PLD5: variants seen among roughly 807,000 people sequenced by gnomAD.
PLD5 encodes the protein inactive phospholipase D5.
In PLD5, 36 loss-of-function variants were observed where a neutral mutation model predicts 61.1. That is an observed-to-expected ratio of 0.59 (90% confidence interval 0.45 to 0.78). PLD5 has a LOEUF of 0.78. Ranked by LOEUF, PLD5 falls within the 30% of genes least tolerant of loss-of-function variation. The probability of loss-of-function intolerance (pLI) is 0.00; values close to 1 mark genes in which losing one functional copy is unlikely to be tolerated. For synonymous variants in PLD5, 243 were observed against 242.8 expected (o/e 1.00, Z -0.01); for missense variants, 515 against 644.4 (o/e 0.80, Z 2.17).
At chr1:242,193,104 C>T (rs1283843736) in intron 5 of PLD5, among the ~76,000 whole-genome samples, 1 of 152,150 alleles carries the variant, frequency 6.6e-6, no homozygotes, top group African/African-American at 2.4e-5. Flanking sequence ...TCTATTTAGT[C>T]CATCTGTCAC....
intron 2 of PLD5, among the ~76,000 whole-genome samples, chr1:242,344,553 G>A (rs539888974): frequency 6.6e-6 from 1 of 152,284 alleles, no homozygotes; most frequent in East Asian, 1.9e-4. Flanking sequence ...ACTCTTTGGA[G>A]GAACAAGGAG....
chr1:242,089,981 T>C lies in PLD5; in HGVS notation c.1484A>G (p.Tyr495Cys). The change falls in exon 10 of 10, where the codon TAT becomes TGT. Residue 495 changes from tyrosine (Y) to cysteine (C), a missense_variant. Tyr to Cys is a radical substitution (Grantham distance 194, BLOSUM62 -2). Transcript: ENST00000536534. ...CTGTAAGGTTTTGGCATACGGTGAA[T>C]ACCAGTCCCTTTCAAACACATCTTT... ...QLKDVFERDW[Y>C]SPYAKTLQPT... The C allele has an allele frequency of 6.2e-7, 1 of 1,614,218 alleles. No individual in the cohort carries two copies. The highest frequency in any genetic ancestry group is 8.5e-7 in the Non-Finnish European group (1 of 1,180,054).
intron 5 of PLD5, among the ~76,000 whole-genome samples, chr1:242,194,574 C>CTCTA (rs1668484265): frequency 1.3e-5 from 1 of 78,234 alleles, no homozygotes; most frequent in East Asian, 5.8e-4. Context: ...CTATATCTAT[C>CTCTA]TATCTATCTA....
chr1:242,429,828 C>G (rs1006082983), intron 1 of PLD5, among the ~76,000 whole-genome samples: 6 of 152,130 alleles, frequency 3.9e-5, no homozygotes, highest in African/African-American at 1.4e-4. Flanking sequence ...CTCCTTCAAG[C>G]AAATAAAATT....
Position 242,256,239 on chromosome 1 carries a change from G to A in PLD5, c.607+9098C>T, listed in dbSNP as rs1296745270. Among the ~76,000 whole-genome samples the A allele has an allele frequency of 6.6e-6, 1 of 152,196 alleles. No homozygotes were observed. The highest frequency in any genetic ancestry group is 2.4e-5 in the African/African-American group (1 of 41,438). ...CACTGTGACCAAGAGTTCACCCCAA[G>A]AGCATGCTTTGTATTGCCTTTATAA... On this transcript the variant is annotated intron_variant, in intron 4 of 9. Transcript: ENST00000536534. This position sits in a 1 kb window ranked among gnomAD's most constrained non-coding sequence, Gnocchi z 5.7.
At chr1:242,415,212 T>C (rs756356756) in intron 1 of PLD5, among the ~76,000 whole-genome samples, 3 of 152,200 alleles carry the variant, frequency 2.0e-5, no homozygotes, top group Non-Finnish European at 4.4e-5. Flanking sequence ...CAAATCTATG[T>C]ATGCGTTTAG....
chr1:242,447,554 T>A (rs776370251), intron 1 of PLD5, among the ~76,000 whole-genome samples: 42 of 152,260 alleles, frequency 2.8e-4, no homozygotes, highest in Non-Finnish European at 5.9e-4. Flanking sequence ...TTTTAGTGTC[T>A]GTCATTAAGA....
Position 242,129,365 on chromosome 1 carries a change from T to A in PLD5, c.736-4700A>T, listed in dbSNP as rs149922163. On this transcript the variant is annotated intron_variant, in intron 5 of 9. Transcript: ENST00000536534. ...ATTACATTTCCTCTGAATATCTTCCTCTACCCTAGAATGACTCAAGCCTAT... is the reference window on the plus strand; with the variant it reads ...ATTACATTTCCTCTGAATATCTTCCACTACCCTAGAATGACTCAAGCCTAT... Among the ~76,000 whole-genome samples the A allele has an allele frequency of 2.0e-3, 304 of 152,320 alleles. 1 individual carries two copies. Among genetic ancestry groups the A allele is most frequent in the Non-Finnish European group, 3.5e-3 (236 of 68,032 alleles).
intron 5 of PLD5, among the ~76,000 whole-genome samples, chr1:242,211,345 C>G (rs4428869): frequency 0.5 from 76,029 of 151,984 alleles, 20,360 homozygotes; most frequent in East Asian, 0.76. Context: ...TAGCTTGGGA[C>G]GCAGATACAA....
chr1:242,460,051 C>T (rs948846059), intron 1 of PLD5, among the ~76,000 whole-genome samples: 4 of 152,108 alleles, frequency 2.6e-5, no homozygotes, highest in Admixed American at 6.5e-5. Context: ...TAATATCTTG[C>T]TAATCATAGG....
intron 2 of PLD5, among the ~76,000 whole-genome samples, chr1:242,326,540 T>G (rs2149195150): frequency 6.6e-6 from 1 of 151,898 alleles, no homozygotes; most frequent in Middle Eastern, 3.4e-3. Flanking sequence ...AGATAAGCCT[T>G]AAATCCTCCC....
At chr1:242,169,581 C>T (rs1666589028) in intron 5 of PLD5, among the ~76,000 whole-genome samples, 1 of 152,156 alleles carries the variant, frequency 6.6e-6, no homozygotes, top group Non-Finnish European at 1.5e-5. Context: ...CGAGACAGAA[C>T]TATTCACCCC....
intron 5 of PLD5, among the ~76,000 whole-genome samples, chr1:242,152,996 C>T (rs1483049777): frequency 7.2e-5 from 11 of 152,158 alleles, no homozygotes; most frequent in Non-Finnish European, 4.4e-5. Flanking sequence ...GTTCCTATTT[C>T]TCCACATCCT....
intron 1 of PLD5, among the ~76,000 whole-genome samples, chr1:242,388,801 C>CA (rs1217734188): frequency 2.6e-5 from 4 of 151,772 alleles, no homozygotes; most frequent in Non-Finnish European, 5.9e-5. Context: ...CTAAAAAATA[C>CA]AAAAATTAAC....
intron 1 of PLD5, among the ~76,000 whole-genome samples, chr1:242,398,994 C>T (rs1179816662): frequency 2.0e-5 from 3 of 152,136 alleles, no homozygotes; most frequent in African/African-American, 7.2e-5. Context: ...AAGATGACAC[C>T]ATTGGGGGAA....
chr1:242,352,501 G>A (rs1387693599), intron 1 of PLD5, among the ~76,000 whole-genome samples: 1 of 152,172 alleles, frequency 6.6e-6, no homozygotes, highest in Non-Finnish European at 1.5e-5. Context: ...GAAGAGTGGT[G>A]CAATAAACAT....
chr1:242,443,481 G>A (rs1341381609), intron 1 of PLD5, among the ~76,000 whole-genome samples: 1 of 152,134 alleles, frequency 6.6e-6, no homozygotes, highest in African/African-American at 2.4e-5. Flanking sequence ...CAGATGCCCA[G>A]AGCTGAGTCC....
At chr1:242,494,214 C>T (rs932263005) in intron 1 of PLD5, among the ~76,000 whole-genome samples, 1 of 151,896 alleles carries the variant, frequency 6.6e-6, no homozygotes, top group East Asian at 2.0e-4. Flanking sequence ...CCAAATGGCA[C>T]TCACATCCCC....
intron 1 of PLD5, among the ~76,000 whole-genome samples, chr1:242,425,437 G>A (rs1403970509): frequency 6.6e-6 from 1 of 152,172 alleles, no homozygotes; most frequent in African/African-American, 2.4e-5. Flanking sequence ...TATACCTGTA[G>A]AGGGCGCATA....
Sources: gnomAD v4.1 joint callset for allele counts (sites outside exome capture counted in the v4.1 genomes callset) on GRCh38, gnomAD v4.1.1 for gene constraint, Gnocchi (gnomAD v3.1) non-coding constraint, MANE v1.5 for transcripts, NCBI Gene and HGNC (gene_info 2026-07-23, HGNC 2026-07-21) for gene names.